The following TUBGCP5 variants were observed in gnomAD, a reference collection of about 807,000 sequenced individuals.
TUBGCP5 encodes the protein gamma-tubulin complex component 5.
A neutral mutation model predicts 134.7 loss-of-function variants in TUBGCP5; 98 were observed. That is an observed-to-expected ratio of 0.73 (90% CI 0.62 to 0.86). The LOEUF (loss-of-function observed/expected upper bound fraction) is 0.86, where lower values mean the gene tolerates loss of function less well. Among genes scored for constraint, TUBGCP5 ranks in the 40% least tolerant of loss-of-function variants. The pLI is 0.00. For synonymous variants in TUBGCP5, 456 were observed against 431.4 expected (o/e 1.06, Z -0.71); for missense variants, 1,150 against 1,244.8 (o/e 0.92, Z 1.15).
At chr15:22,984,667 G>A (rs761350335) in intron 23 of TUBGCP5, among the ~76,000 whole-genome samples, 4 of 151,988 alleles carry the variant, frequency 2.6e-5, no homozygotes, top group Non-Finnish European at 5.9e-5. Context: ...TAGAATAACT[G>A]CATAACGATG....
Position 23,032,149 on chromosome 15 carries a change from T to A in TUBGCP5, c.407-120A>T, listed in dbSNP as rs540815078. ...TACTCAGGAAATAAAAATTTAAAAA[T>A]ATTGAAACATTTAATAAATTGATAT... On this transcript the variant is annotated intron_variant, in intron 4 of 22. Coordinates refer to ENST00000615383, the MANE Select transcript of TUBGCP5 (RefSeq NM_052903.6). 728 of 626,786 alleles carry A rather than the reference T, an allele frequency of 1.2e-3. 6 individuals carry two copies. The highest frequency in any genetic ancestry group is 1.0e-4 in the Non-Finnish European group (39 of 374,540). 38.8% of individuals were successfully genotyped at this position (626,786 alleles called of 1,614,324 possible). A position where few individuals can be genotyped will look rare whatever the true frequency, so the allele number is the denominator to read the frequency against.
intron 23 of TUBGCP5, among the ~76,000 whole-genome samples, chr15:22,986,609 G>C (rs1048074147): frequency 6.6e-6 from 1 of 151,820 alleles, no homozygotes; most frequent in Non-Finnish European, 1.5e-5. Context: ...GTGGTGGTGG[G>C]TGCCTGTAAT....
At chr15:23,034,142 A>G (rs1312916552) in intron 3 of TUBGCP5, among the ~76,000 whole-genome samples, 1 of 152,238 alleles carries the variant, frequency 6.6e-6, no homozygotes, top group African/African-American at 2.4e-5. Flanking sequence ...TTGCGCAAAC[A>G]GTGTGACTGA....
chr15:22,985,900 G>A (rs1014078109), intron 23 of TUBGCP5, among the ~76,000 whole-genome samples: 4 of 151,438 alleles, frequency 2.6e-5, no homozygotes, highest in Middle Eastern at 3.4e-3. Flanking sequence ...TTGGAAGGCC[G>A]AGATGGGCGG....
Position 23,026,103 on chromosome 15 carries a change from G to A in TUBGCP5, c.827+13C>T. 2.5e-6 allele frequency: 4 copies of A among 1,590,644 alleles called. No individual in the cohort carries two copies. The South Asian group carries it at 4.6e-5, about 18-fold the overall frequency. ...GTCTCATAAAGACTATTAATTAAAT[G>A]AACATTTCTTACCATAGGGTTTCCC... On this transcript the variant is annotated intron_variant, in intron 8 of 22. Coordinates refer to ENST00000615383, the MANE Select transcript of TUBGCP5 (RefSeq NM_052903.6).
chr15:23,020,607 G>GA (rs1165932380), intron 11 of TUBGCP5, among the ~76,000 whole-genome samples: 1 of 119,174 alleles, frequency 8.4e-6, no homozygotes. Flanking sequence ...AAAAAAAAAA[G>GA]AAAAAAAGAA....
chr15:23,014,738 CT>C (rs942409539), intron 13 of TUBGCP5, among the ~76,000 whole-genome samples: 20 of 152,180 alleles, frequency 1.3e-4, no homozygotes, highest in African/African-American at 4.6e-4. Flanking sequence ...AAGAAACAGC[CT>C]TATAGGTTAC....
intron 21 of TUBGCP5, among the ~76,000 whole-genome samples, chr15:23,000,872 G>T (rs765023127): frequency 7.9e-5 from 12 of 152,080 alleles, no homozygotes; most frequent in Non-Finnish European, 1.6e-4. Context: ...GTTTCATTAG[G>T]ATATAAAACT....
intron 13 of TUBGCP5, among the ~76,000 whole-genome samples, chr15:23,014,833 T>C (rs566907316): frequency 2.6e-5 from 4 of 152,286 alleles, no homozygotes; most frequent in African/African-American, 9.6e-5. Flanking sequence ...GCTGTTCTCA[T>C]GGAGCCCCTG....
rs2064478122 is a variant in TUBGCP5 at position 23,002,996 on chromosome 15, T to C, written c.2927+69A>G. 2 of 1,512,108 alleles carry C rather than the reference T, an allele frequency of 1.3e-6. 1 individual carries two copies. The highest frequency in any genetic ancestry group is 3.4e-5 in the Admixed American group (2 of 58,250). 93.7% of individuals were successfully genotyped at this position (1,512,108 alleles called of 1,614,324 possible). A position where few individuals can be genotyped will look rare whatever the true frequency, so the allele number is the denominator to read the frequency against. On this transcript the variant is annotated intron_variant, in intron 21 of 22. Transcript: ENST00000615383. ...CTCCTGAATGGCTGGGAAGACCCTGTCTCTAAAAAAAAGGGAAGCTGAAGC... is the reference window on the plus strand; with the variant it reads ...CTCCTGAATGGCTGGGAAGACCCTGCCTCTAAAAAAAAGGGAAGCTGAAGC...
chr15:23,003,087 GCCAA>G lies in TUBGCP5; in HGVS notation c.2901_2904del (p.Trp968ArgfsTer12), dbSNP rs755437603. ...TACCGCCAAGTGCCCAGGCCTGCCT[GCCAA>G]CCGTCTGCAAACATGAGAGCCAAGT... On this transcript the variant is annotated frameshift_variant, in exon 21 of 23. Coordinates refer to ENST00000615383, the MANE Select transcript of TUBGCP5 (RefSeq NM_052903.6). LOFTEE classifies it high-confidence loss of function. 1 of 1,614,124 alleles carries G rather than the reference GCCAA, an allele frequency of 6.2e-7. No individual in the cohort carries two copies. The highest frequency in any genetic ancestry group is 8.5e-7 in the Non-Finnish European group (1 of 1,180,014).
intron 6 of TUBGCP5, 66 bp from the exon 7 acceptor site, chr15:23,027,372 CT>C: frequency 7.9e-7 from 1 of 1,272,992 alleles, no homozygotes; most frequent in Non-Finnish European, 1.1e-6. Flanking sequence ...AATACCTGGA[CT>C]TACAGCTCCA....
chr15:23,003,133 A>C lies in TUBGCP5; in HGVS notation c.2859T>G (p.Ala953=), dbSNP rs763551389. 3.7e-6 allele frequency: 6 copies of C among 1,614,054 alleles called. No homozygotes were observed. Among genetic ancestry groups the C allele is most frequent in the South Asian group, 1.1e-5 (1 of 91,090 alleles). Residue 953 remains alanine, a synonymous_variant, in exon 21 of 23, where the codon GCT becomes GCG. Transcript: ENST00000615383. The part of the protein sequence containing the change: ...LREKVSFVKE[A]IMKVLNLALM... ...GAGCCAAGTTCAACACCTTCATGAT[A>C]GCTTCTTTCACAAAGCTGACCTGCA...
intron 23 of TUBGCP5, among the ~76,000 whole-genome samples, chr15:22,986,133 C>CAAAAAAAAAAAAA (rs35699215): frequency 8.8e-6 from 1 of 114,096 alleles, no homozygotes; most frequent in Non-Finnish European, 1.9e-5. Flanking sequence ...GACTCTGTCT[C>CAAAAAAAAAAAAA]AAAAAAAAAA....
intron 1 of TUBGCP5, 87 bp from the exon 2 acceptor site, chr15:23,037,239 C>T (rs1446710957): frequency 8.1e-7 from 1 of 1,241,902 alleles, no homozygotes; most frequent in Non-Finnish European, 1.2e-6. Flanking sequence ...CCCCCATATG[C>T]TCTGTACTCA....
intron 14 of TUBGCP5, 116 bp downstream of exon 14, chr15:23,011,017 A>C (rs2065003422): frequency 3.1e-6 from 3 of 967,304 alleles, no homozygotes; most frequent in Admixed American, 2.5e-5. Flanking sequence ...AGAAAAAAGA[A>C]AGGATAGCCT....
At chr15:22,994,478 A>G (rs2063980664), downstream of TUBGCP5, among the ~76,000 whole-genome samples, 1 of 152,168 alleles carries the variant, frequency 6.6e-6, no homozygotes, top group Non-Finnish European at 1.5e-5. Flanking sequence ...TCTTAGATTC[A>G]GTGTAAAGAT....
intron 21 of TUBGCP5, among the ~76,000 whole-genome samples, 179 bp downstream of exon 21, chr15:23,002,886 T>TC (rs1018599098): frequency 6.8e-5 from 10 of 148,002 alleles, no homozygotes; most frequent in Non-Finnish European, 3.0e-5. Context: ...TACTTGCACT[T>TC]TTTTTTTTTT....
chr15:23,025,405 G>A (rs2065927110), intron 8 of TUBGCP5, among the ~76,000 whole-genome samples: 1 of 152,164 alleles, frequency 6.6e-6, no homozygotes, highest in African/African-American at 2.4e-5. Context: ...AAGAATGCGA[G>A]CATGTCAATA....
Sources: gnomAD v4.1 joint callset for allele counts (sites outside exome capture counted in the v4.1 genomes callset) on GRCh38, gnomAD v4.1.1 for gene constraint, MANE v1.5 for transcripts, NCBI Gene and HGNC (gene_info 2026-07-23, HGNC 2026-07-21) for gene names.